The following ENOSF1 variants were observed in gnomAD, a reference collection of about 807,000 sequenced individuals.
The protein encoded by ENOSF1 is enolase superfamily member 1, also known as mitochondrial enolase superfamily member 1.
A neutral mutation model predicts 68.2 loss-of-function variants in ENOSF1; 73 were observed. That is an observed-to-expected ratio of 1.07 (90% CI 0.89 to 1.30). ENOSF1 has a LOEUF of 1.30. Ranked by LOEUF, ENOSF1 falls within the 50% of genes most tolerant of loss-of-function variation. The pLI, the probability that ENOSF1 is intolerant of heterozygous loss-of-function variation, is 0.00. For synonymous variants in ENOSF1, 223 were observed against 210.4 expected (o/e 1.06, Z -0.52); for missense variants, 589 against 554.5 (o/e 1.06, Z -0.62).
rs114218206 is a variant in ENOSF1 at position 678,235 on chromosome 18, C to T, written c.919-363G>A. 360 of 293,636 alleles carry T rather than the reference C, an allele frequency of 1.2e-3. 2 individuals carry two copies. The highest frequency in any genetic ancestry group is 7.4e-3 in the African/African-American group (335 of 45,464). The allele number at this position is 293,636 out of a possible 1,614,324, so 18.2% of individuals were successfully genotyped here. The stretch of plus-strand genomic sequence containing the variant: ...TGGCACAGATGACAACACGGAACCA[C>T]GGCAGAGCAGTATTGCTCCTTTTGC... On this transcript the variant is annotated intron_variant, in intron 12 of 15. Coordinates refer to ENST00000647584, the MANE Select transcript of ENOSF1 (RefSeq NM_017512.7).
chr18:695,336 A>G (rs1488151593), intron 3 of ENOSF1, among the ~76,000 whole-genome samples: 1 of 152,104 alleles, frequency 6.6e-6, no homozygotes, highest in East Asian at 1.9e-4. Context: ...ATTTTGTTTT[A>G]TTATTAGGAT....
chr18:696,312 C>T (rs1015616045), intron 3 of ENOSF1, among the ~76,000 whole-genome samples: 1 of 150,224 alleles, frequency 6.7e-6, no homozygotes, highest in South Asian at 2.1e-4. Flanking sequence ...CCCAGGTTCA[C>T]GCCGTTCTCC....
chr18:690,790 A>C lies in ENOSF1; in HGVS notation c.536-159T>G, dbSNP rs544055785. On this transcript the variant is annotated intron_variant, in intron 7 of 15. Coordinates refer to ENST00000647584, the MANE Select transcript of ENOSF1 (RefSeq NM_017512.7). Reference sequence around the variant, plus strand: ...CACAAATTACTAGGATGTCAAACCCAGGTGATCAGGATACTCTCACGGACT... The same window carrying C: ...CACAAATTACTAGGATGTCAAACCCCGGTGATCAGGATACTCTCACGGACT... The C allele has an allele frequency of 9.4e-5, 140 of 1,486,022 alleles. 1 individual carries two copies. The South Asian group carries it at 1.9e-3, about 20-fold the overall frequency. The allele number at this position is 1,486,022 out of a possible 1,614,324, so 92.1% of individuals were successfully genotyped here.
At chr18:709,520 C>T (rs1488997197) in intron 1 of ENOSF1, among the ~76,000 whole-genome samples, 5 of 152,080 alleles carry the variant, frequency 3.3e-5, no homozygotes, top group Admixed American at 1.3e-4. Flanking sequence ...GCCTGTAATC[C>T]GGCACTTTGG....
chr18:669,437 A>G (rs1271719574), downstream of ENOSF1: 2 of 306,028 alleles, frequency 6.5e-6, no homozygotes, highest in South Asian at 4.4e-5. Flanking sequence ...CAACGGCGTG[A>G]TCTTGGCTCA....
At chr18:711,051 T>A (rs1031851693) in intron 1 of ENOSF1, among the ~76,000 whole-genome samples, 22 of 152,132 alleles carry the variant, frequency 1.4e-4, no homozygotes, top group African/African-American at 5.1e-4. Context: ...ACACCTGTAG[T>A]CCCAGCTACT....
chr18:692,082 G>A (rs2741180), intron 5 of ENOSF1: 50,641 of 152,028 alleles, frequency 0.33, 8,751 homozygotes, highest in Non-Finnish European at 0.37. Context: ...GGGGATGTTT[G>A]CTTCACTGAC....
chr18:684,016 CAG>C lies in ENOSF1; in HGVS notation c.742-638_742-637del, dbSNP rs532467118. 1.2e-3 allele frequency among the ~76,000 whole-genome samples: 172 copies of C among 149,392 alleles called. No homozygotes were observed. The Middle Eastern group carries it at 0.024, about 21-fold the overall frequency. On this transcript the variant is annotated intron_variant, in intron 10 of 15. Transcript: ENST00000647584. ...TTCTTTTTCTTTTTTTTTTTTGAGA[CAG>C]AGTCTCGCTCTGTCACCAAGGCTGG... is the stretch of plus-strand genomic sequence containing the variant.
intron 1 of ENOSF1, among the ~76,000 whole-genome samples, chr18:711,161 A>G (rs1598849184): frequency 6.6e-6 from 1 of 152,072 alleles, no homozygotes; most frequent in Non-Finnish European, 1.5e-5. Flanking sequence ...CAGATAAGAG[A>G]CCCTGCCTCA....
chr18:679,456 G>T (rs113578344), intron 11 of ENOSF1, among the ~76,000 whole-genome samples: 24 of 150,220 alleles, frequency 1.6e-4, no homozygotes, highest in African/African-American at 5.9e-4. Flanking sequence ...TGATCCTCCC[G>T]CCTCGGCCTC....
Position 670,621 on chromosome 18 carries a change from GTTTTACT to G in ENOSF1, c.*3677_*3683del, listed in dbSNP as rs2074999334. 2 of 1,549,040 alleles carry G rather than the reference GTTTTACT, an allele frequency of 1.3e-6. No individual in the cohort carries two copies. The highest frequency in any genetic ancestry group is 1.8e-6 in the Non-Finnish European group (2 of 1,136,490). On this transcript the variant is annotated 3_prime_UTR_variant, in exon 16 of 16. Transcript: ENST00000647584. ...ATGAGTTGGCTTCTGTTTCTCTCCT[GTTTTACT>G]TTGCCTTTAGCTGTGGTCTTTCAAA...
chr18:672,903 G>A lies in ENOSF1; in HGVS notation c.*1402C>T, dbSNP rs2075133391. The A allele has an allele frequency of 3.1e-6, 5 of 1,597,840 alleles. No homozygotes were observed. Among genetic ancestry groups the A allele is most frequent in the Middle Eastern group, 1.7e-4 (1 of 6,024 alleles). Reference sequence around the variant, plus strand: ...CCTTTCCCAAAGCTCAGGATTCTTCGAAAAGTTGAGAAAATTGATGACTTC... The same window carrying A: ...CCTTTCCCAAAGCTCAGGATTCTTCAAAAAGTTGAGAAAATTGATGACTTC... On this transcript the variant is annotated 3_prime_UTR_variant, in exon 16 of 16. Coordinates refer to ENST00000647584, the MANE Select transcript of ENOSF1 (RefSeq NM_017512.7).
chr18:680,545 C>T (rs2075970738), intron 11 of ENOSF1, among the ~76,000 whole-genome samples: 1 of 152,080 alleles, frequency 6.6e-6, no homozygotes, highest in South Asian at 2.1e-4. Context: ...CTGGAAAAGC[C>T]TCCTCGCTCC....
intron 2 of ENOSF1, 111 bp from the exon 3 acceptor site, chr18:697,466 C>G (rs1282612232): frequency 2.3e-6 from 2 of 880,240 alleles, no homozygotes; most frequent in African/African-American, 3.4e-5. Context: ...AAAATTAAAT[C>G]TAGGCCAGGC....
chr18:706,462 C>T lies in ENOSF1; in HGVS notation c.193+8G>A, dbSNP rs1202570945. The T allele has an allele frequency of 6.3e-7, 1 of 1,585,146 alleles. No homozygotes were observed. The highest frequency in any genetic ancestry group is 1.3e-5 in the African/African-American group (1 of 74,394). Reference sequence around the variant, plus strand: ...CATTCTGGAACCTCGAGAGAATCTTCAACTCACCAACTTCAGTGCCTTTTC... The same window carrying T: ...CATTCTGGAACCTCGAGAGAATCTTTAACTCACCAACTTCAGTGCCTTTTC... On this transcript the variant is annotated splice_region_variant and intron_variant, in intron 2 of 15. Coordinates refer to ENST00000647584, the MANE Select transcript of ENOSF1 (RefSeq NM_017512.7).
At chr18:693,794 AAT>A (rs2077442682) in intron 5 of ENOSF1, 86 bp downstream of exon 5, 1 of 1,592,722 alleles carries the variant, frequency 6.3e-7, no homozygotes, top group African/African-American at 1.4e-5. Flanking sequence ...GATAGTCCTG[AAT>A]ATATTTACTG....
At position 670,593 on chromosome 18, in the gene ENOSF1, C is replaced by T. The variant is rs2074996530; in HGVS notation, c.*3712G>A. ...AGTGGCTCTCTCTCCTGGTCTCCAC[C>T]ATATGAGTTGGCTTCTGTTTCTCTC... On this transcript the variant is annotated 3_prime_UTR_variant, in exon 16 of 16. Transcript: ENST00000647584. The T allele has an allele frequency of 5.3e-6, 7 of 1,325,400 alleles. No individual in the cohort carries two copies. Among genetic ancestry groups the T allele is most frequent in the Admixed American group, 1.9e-5 (1 of 52,746 alleles). The allele number at this position is 1,325,400 out of a possible 1,614,324, so 82.1% of individuals were successfully genotyped here. A position where few individuals can be genotyped will look rare whatever the true frequency, so the allele number is the denominator to read the frequency against.
downstream of ENOSF1, among the ~76,000 whole-genome samples, chr18:669,800 T>C (rs2074951227): frequency 6.6e-6 from 1 of 151,938 alleles, no homozygotes; most frequent in Non-Finnish European, 1.5e-5. Context: ...AAAATTCAAC[T>C]CTACCAGGGT....
In ENOSF1 at chr18:677,332, C is replaced by T. The variant is rs760210052; in HGVS notation, c.1148+13G>A. On this transcript the variant is annotated intron_variant, in intron 14 of 15. Transcript: ENST00000647584. ...CCTACTGAAACAGAAAGTATTAATG[C>T]CACATTACTGACCTATTTTCAAGGC... 9 of 1,604,986 alleles carry T rather than the reference C, an allele frequency of 5.6e-6. No individual in the cohort carries two copies. The highest frequency in any genetic ancestry group is 7.7e-6 in the Non-Finnish European group (9 of 1,172,430).
Sources: gnomAD v4.1 joint callset for allele counts (sites outside exome capture counted in the v4.1 genomes callset) on GRCh38, gnomAD v4.1.1 for gene constraint, MANE v1.5 for transcripts, NCBI Gene and HGNC (gene_info 2026-07-23, HGNC 2026-07-21) for gene names.